Variants in ABCA9 observed in about 807,000 individuals in gnomAD.
ABCA9 encodes the protein ATP-binding cassette sub-family A member 9.
A neutral mutation model predicts 205.3 loss-of-function variants in ABCA9; 183 were observed. That is an observed-to-expected ratio of 0.89 (90% CI 0.79 to 1.01). The LOEUF (loss-of-function observed/expected upper bound fraction) is 1.01. Ranked by LOEUF, ABCA9 falls within the 50% of genes least tolerant of loss-of-function variation. The pLI is 0.00. For missense variants in ABCA9, 1,805 were observed against 1,912.4 expected (o/e 0.94, Z 1.05); for synonymous variants, 651 against 683.3 (o/e 0.95, Z 0.74).
Position 68,987,736 on chromosome 17 carries a change from G to A in ABCA9, c.4047+1291C>T, listed in dbSNP as rs59414892. 4.6e-3 allele frequency among the ~76,000 whole-genome samples: 668 copies of A among 144,238 alleles called. 11 individuals carry two copies. The East Asian group carries it at 0.066, about 14-fold the overall frequency. The allele number at this position is 144,238 out of a possible 152,430, so 94.6% of individuals were successfully genotyped here. On this transcript the variant is annotated intron_variant, in intron 31 of 38. Transcript: ENST00000340001. ...GGGAGATTGACATGACCTCATTTGC[G>A]TTTTTTTTTGTTTGTTTGTTTGTTT... is the stretch of plus-strand genomic sequence containing the variant.
At chr17:69,074,822 G>T in the ABCA9 span, among the ~76,000 whole-genome samples, 7 of 152,146 alleles carry the variant, frequency 4.6e-5, no homozygotes, top group African/African-American at 1.7e-4. Flanking sequence ...GGGTCAAATG[G>T]TAGTTCTATT....
chr17:69,021,681 C>A, intron 18 of ABCA9, 61 bp downstream of exon 18: 65 of 901,816 alleles, frequency 7.2e-5, no homozygotes, highest in South Asian at 3.6e-4. Flanking sequence ...TTCTTTCGTC[C>A]TTCCTTCCTT....
intron 22 of ABCA9, among the ~76,000 whole-genome samples, chr17:69,013,342 TTC>T (rs927915777): frequency 2.0e-5 from 3 of 152,164 alleles, no homozygotes; most frequent in African/African-American, 7.2e-5. Context: ...GTTTCTTTAC[TTC>T]TCTGTTCTCT....
chr17:69,059,403 C>T (rs945211872), intron 1 of ABCA9, among the ~76,000 whole-genome samples: 1 of 151,932 alleles, frequency 6.6e-6, no homozygotes, highest in Non-Finnish European at 1.5e-5. Context: ...GGGAGGCAGA[C>T]AAGATCAGAG....
the ABCA9 span, among the ~76,000 whole-genome samples, chr17:69,078,550 G>T: frequency 6.6e-6 from 1 of 152,130 alleles, no homozygotes; most frequent in Non-Finnish European, 1.5e-5. Context: ...AGACTCTTGA[G>T]TTGTAGTTGG....
intron 1 of ABCA9, among the ~76,000 whole-genome samples, chr17:69,052,028 C>T (rs2071917559): frequency 2.0e-5 from 3 of 152,236 alleles, no homozygotes; most frequent in East Asian, 1.9e-4. Context: ...GTGCCACGAA[C>T]TTAAGAGATT....
At chr17:69,000,024 T>G (rs2069789720) in intron 25 of ABCA9, among the ~76,000 whole-genome samples, 1 of 152,178 alleles carries the variant, frequency 6.6e-6, no homozygotes, top group South Asian at 2.1e-4. Context: ...TTCTGGATAT[T>G]AGCCCTTTGT....
At chr17:69,057,725 A>C (rs2072110975) in intron 1 of ABCA9, among the ~76,000 whole-genome samples, 1 of 152,224 alleles carries the variant, frequency 6.6e-6, no homozygotes, top group African/African-American at 2.4e-5. Flanking sequence ...CAAAAACTAT[A>C]GTCACCCATT....
At position 69,058,836 on chromosome 17, in the gene ABCA9, C is replaced by CAAA. The variant is rs34009101; in HGVS notation, c.-14+2027_-14+2029dup. On this transcript the variant is annotated intron_variant, in intron 1 of 38. Transcript: ENST00000340001. ...CCTAGGTGACAGTGTGAGACTGTCT[C>CAAA]AAAAAAAAAAAAAAGACATACCTGA... Among the ~76,000 whole-genome samples the CAAA allele has an allele frequency of 6.3e-5, 8 of 127,370 alleles. No individual in the cohort carries two copies. The South Asian group carries it at 1.3e-3, about 20-fold the overall frequency. 83.6% of individuals were successfully genotyped at this position (127,370 alleles called of 152,430 possible).
chr17:69,058,201 G>T (rs1473533055), intron 1 of ABCA9, among the ~76,000 whole-genome samples: 1 of 152,144 alleles, frequency 6.6e-6, no homozygotes, highest in African/African-American at 2.4e-5. Flanking sequence ...GACTAATAAG[G>T]CCTGTGTTTT....
chr17:69,008,668 G>T (rs1219038196), intron 23 of ABCA9, among the ~76,000 whole-genome samples: 2 of 152,200 alleles, frequency 1.3e-5, no homozygotes, highest in African/African-American at 4.8e-5. Context: ...TTGGGTCTAA[G>T]AAATGGTCCT....
At chr17:69,024,400 T>A (rs1178651617) in intron 16 of ABCA9, 47 bp from the exon 17 acceptor site, 1 of 1,479,204 alleles carries the variant, frequency 6.8e-7, no homozygotes, top group Non-Finnish European at 9.0e-7. Context: ...ACTGTGTCTA[T>A]AAAACAATTT....
At chr17:69,032,891 CTTCCTTCCCTTCAT>C (rs2071200558) in intron 9 of ABCA9, 1 of 152,290 alleles carries the variant, frequency 6.6e-6, no homozygotes, top group Non-Finnish European at 1.5e-5. Context: ...CAGAAGGTCT[CTTCCTTCCCTTCAT>C]TTCCCAATTT....
intron 6 of ABCA9, among the ~76,000 whole-genome samples, chr17:69,039,406 T>C (rs896847999): frequency 6.6e-5 from 10 of 151,996 alleles, no homozygotes; most frequent in Non-Finnish European, 1.2e-4. Flanking sequence ...ACACTGCACA[T>C]CTATAGCCAT....
intron 36 of ABCA9, 22 bp from the exon 37 acceptor site, chr17:68,982,663 G>T: frequency 6.3e-7 from 1 of 1,598,548 alleles, no homozygotes; most frequent in South Asian, 1.1e-5. Context: ...AGACAGTGAG[G>T]CTGAACTCCA....
chr17:69,062,138 T>C (rs1432189070), upstream of ABCA9, among the ~76,000 whole-genome samples: 2 of 148,202 alleles, frequency 1.3e-5, no homozygotes, highest in South Asian at 2.1e-4. Context: ...ACTGTCAAAC[T>C]TAAAAAAAAA....
intron 6 of ABCA9, chr17:69,042,764 TCTG>T (rs2071584819): frequency 6.6e-6 from 1 of 152,218 alleles, no homozygotes; most frequent in Non-Finnish European, 1.5e-5. Context: ...TGCATGGTCA[TCTG>T]CTCAACTCAT....
chr17:68,987,767 T>TTTG (rs1185459536), intron 31 of ABCA9, among the ~76,000 whole-genome samples: 12 of 61,462 alleles, frequency 2.0e-4, no homozygotes, highest in African/African-American at 5.1e-4. Flanking sequence ...TGTTTGTTTG[T>TTTG]TTTTTTGTTT....
At position 69,017,743 on chromosome 17, in the gene ABCA9, T is replaced by C. The variant is rs1411402331; in HGVS notation, c.2814A>G (p.Ile938Met). 6.2e-7 allele frequency: 1 copy of C among 1,613,464 alleles called. No homozygotes were observed. Among genetic ancestry groups the C allele is most frequent in the East Asian group, 2.2e-5 (1 of 44,866 alleles). ...NFLHSLRRQN[I>M]AIEVDAFGTR... Reference sequence around the variant, plus strand: ...TTCCAAAGGCATCCACTTCTATAGCTATGTTCTGTCGCCTCAGTGAATGTA... The same window carrying C: ...TTCCAAAGGCATCCACTTCTATAGCCATGTTCTGTCGCCTCAGTGAATGTA... The change falls in exon 21 of 39, where the codon ATA (isoleucine) becomes ATG (methionine). Residue 938 changes from isoleucine to methionine, a missense_variant. Coordinates refer to ENST00000340001, the MANE Select transcript of ABCA9 (RefSeq NM_080283.4).
Sources: allele counts gnomAD v4.1 joint callset (sites outside exome capture counted in the v4.1 genomes callset), GRCh38; gene constraint gnomAD v4.1.1; transcripts MANE v1.5; gene names NCBI Gene and HGNC (gene_info 2026-07-23, HGNC 2026-07-21).